The following SYT16 variants were observed in gnomAD, a reference collection of about 807,000 sequenced individuals.
The protein encoded by SYT16 is synaptotagmin-16.
Under a neutral mutation model 61.4 loss-of-function variants are expected in SYT16, and 42 were observed. That is an observed-to-expected ratio of 0.68 (90% CI 0.53 to 0.89). SYT16 has a LOEUF of 0.89. Ranked by LOEUF, SYT16 falls within the 40% of genes least tolerant of loss-of-function variation. The pLI, the probability that SYT16 is intolerant of heterozygous loss-of-function variation, is 0.00. For synonymous variants in SYT16, 314 were observed against 302.3 expected (o/e 1.04, Z -0.40); for missense variants, 804 against 807.3 (o/e 1.00, Z 0.05).
rs1006406996 is a variant in SYT16 at position 62,075,432 on chromosome 14, C to T, written c.993+41C>T. 4.5e-6 allele frequency: 7 copies of T among 1,555,466 alleles called. No homozygotes were observed. In the African/African-American group the frequency reaches 9.5e-5, roughly 21 times the overall value. On this transcript the variant is annotated intron_variant, in intron 5 of 7. Coordinates refer to ENST00000683842, the MANE Select transcript of SYT16 (RefSeq NM_001367656.1). ...TTCATTCTTTCATTGGTTCCCTTTC[C>T]CCTTCCCCTCTTTCCACTCTCCTTT...
At chr14:61,872,192 T>G (rs1004349250) in intron 1 of SYT16, among the ~76,000 whole-genome samples, 5 of 152,210 alleles carry the variant, frequency 3.3e-5, no homozygotes, top group East Asian at 3.8e-4. Flanking sequence ...CAATGCATAC[T>G]CATAAACTCT....
chr14:61,968,222 C>G (rs2051398290), intron 1 of SYT16, among the ~76,000 whole-genome samples: 2 of 152,044 alleles, frequency 1.3e-5, no homozygotes, highest in African/African-American at 2.4e-5. Context: ...GATCGCGCCA[C>G]TGCATTGTAG....
At chr14:61,981,217 A>G (rs1239352727) in intron 2 of SYT16, among the ~76,000 whole-genome samples, 3 of 152,220 alleles carry the variant, frequency 2.0e-5, no homozygotes, top group South Asian at 4.1e-4. Context: ...TCTGCTTTGC[A>G]TAGAGTACAC....
chr14:62,094,288 A>G (rs1307951570), intron 7 of SYT16, among the ~76,000 whole-genome samples: 1 of 152,140 alleles, frequency 6.6e-6, no homozygotes, highest in African/African-American at 2.4e-5. Context: ...TCCGGAATCA[A>G]TCAACTCTTC....
intron 1 of SYT16, among the ~76,000 whole-genome samples, chr14:61,939,613 G>A (rs1431495332): frequency 6.6e-6 from 1 of 152,164 alleles, no homozygotes; most frequent in Non-Finnish European, 1.5e-5. Context: ...TTATGAGGAT[G>A]CCAGTCGTGT....
intron 7 of SYT16, among the ~76,000 whole-genome samples, chr14:62,085,421 G>C (rs1190892129): frequency 6.6e-6 from 1 of 152,196 alleles, no homozygotes; most frequent in African/African-American, 2.4e-5. Flanking sequence ...GAGTAGAGTA[G>C]AGGGCTAGGG....
chr14:61,818,275 G>T (rs1184663128), intron 1 of SYT16, among the ~76,000 whole-genome samples: 2 of 152,134 alleles, frequency 1.3e-5, no homozygotes, highest in Admixed American at 1.3e-4. Flanking sequence ...TCTGGGAGAG[G>T]CATTTTGAAG....
chr14:61,884,712 C>G (rs1566651195), intron 1 of SYT16, among the ~76,000 whole-genome samples: 1 of 152,150 alleles, frequency 6.6e-6, no homozygotes, highest in Non-Finnish European at 1.5e-5. Context: ...TTCATTATGC[C>G]TAAGAAGCTG....
chr14:61,870,048 C>G (rs539823175), intron 1 of SYT16, among the ~76,000 whole-genome samples: 61 of 152,292 alleles, frequency 4.0e-4, no homozygotes, highest in African/African-American at 1.2e-3. Flanking sequence ...AAATTTATAT[C>G]TAGTCACTCT....
intron 7 of SYT16, among the ~76,000 whole-genome samples, chr14:62,089,747 G>A (rs1186158097): frequency 6.6e-6 from 1 of 152,206 alleles, no homozygotes; most frequent in Non-Finnish European, 1.5e-5. Context: ...AGATGGTATA[G>A]GGTAGTCTAC....
At chr14:61,961,585 A>T (rs2051118026) in intron 1 of SYT16, among the ~76,000 whole-genome samples, 1 of 152,228 alleles carries the variant, frequency 6.6e-6, no homozygotes, top group Non-Finnish European at 1.5e-5. Flanking sequence ...TATACCAGTC[A>T]CAATGAATAT....
intron 1 of SYT16, among the ~76,000 whole-genome samples, chr14:61,831,197 T>C (rs768029999): frequency 3.9e-5 from 6 of 152,194 alleles, no homozygotes; most frequent in East Asian, 1.9e-4. Flanking sequence ...GCAGCAGTTA[T>C]CCAGCTCCAA....
chr14:61,905,360 A>T (rs2048664651), intron 1 of SYT16, among the ~76,000 whole-genome samples: 1 of 152,282 alleles, frequency 6.6e-6, no homozygotes, highest in South Asian at 2.1e-4. Flanking sequence ...AGGCTAGTGC[A>T]AAAGTAATTG....
At chr14:62,009,626 C>T (rs1411610714) in intron 3 of SYT16, among the ~76,000 whole-genome samples, 1 of 152,040 alleles carries the variant, frequency 6.6e-6, no homozygotes, top group Non-Finnish European at 1.5e-5. Context: ...TCTCCTATGC[C>T]CAAAAGAGCA....
rs1405427459 is a variant in SYT16 at position 61,836,285 on chromosome 14, C to G, written c.-325+23475C>G. ...CCTGCACCTGCGTGTGTTTATTGCT[C>G]TACTTTACTGCCGGTGGCTGCTCTT... On this transcript the variant is annotated intron_variant, in intron 1 of 7. Coordinates refer to ENST00000683842, the MANE Select transcript of SYT16 (RefSeq NM_001367656.1). Among the ~76,000 whole-genome samples, 3 of 152,298 alleles carry G rather than the reference C, an allele frequency of 2.0e-5. No homozygotes were observed. In the East Asian group the frequency reaches 5.8e-4, roughly 29 times the overall value.
intron 1 of SYT16, among the ~76,000 whole-genome samples, chr14:61,875,265 G>T (rs1376149826): frequency 6.6e-6 from 1 of 152,160 alleles, no homozygotes; most frequent in East Asian, 1.9e-4. Flanking sequence ...TACAAAAAGG[G>T]CTGTGTCAAC....
At chr14:61,923,309 A>C (rs1409459871) in intron 1 of SYT16, among the ~76,000 whole-genome samples, 1 of 152,186 alleles carries the variant, frequency 6.6e-6, no homozygotes, top group African/African-American at 2.4e-5. Flanking sequence ...ATTATGTAAA[A>C]TGGCAATGAT....
chr14:62,081,370 G>A (rs2056702086), intron 6 of SYT16, 96 bp downstream of exon 6: 1 of 1,336,090 alleles, frequency 7.5e-7, no homozygotes, highest in Admixed American at 2.5e-5. Context: ...TGAATTCAGA[G>A]ACTTTAATTT....
At chr14:61,849,760 T>C (rs560501323) in intron 1 of SYT16, among the ~76,000 whole-genome samples, 2 of 152,204 alleles carry the variant, frequency 1.3e-5, no homozygotes, top group African/African-American at 2.4e-5. Context: ...TTCAGTGATA[T>C]GAAGTTAAAA....
Sources: allele counts gnomAD v4.1 joint callset (sites outside exome capture counted in the v4.1 genomes callset), GRCh38; gene constraint gnomAD v4.1.1; transcripts MANE v1.5; gene names NCBI Gene and HGNC (gene_info 2026-07-23, HGNC 2026-07-21).